NBEAL1: variants seen among roughly 807,000 people sequenced by gnomAD.
NBEAL1 encodes the protein neurobeachin like 1.
In NBEAL1, 273 loss-of-function variants were observed where a neutral mutation model predicts 351.3. The observed-to-expected ratio is 0.78, with a 90% CI of 0.70 to 0.86. NBEAL1 has a LOEUF of 0.86. Among genes scored for constraint, NBEAL1 ranks in the 40% least tolerant of loss-of-function variants. The probability of loss-of-function intolerance (pLI) is 0.00; values close to 1 mark genes in which losing one functional copy is unlikely to be tolerated. For synonymous variants in NBEAL1, 1,050 were observed against 1,086.4 expected (o/e 0.97, Z 0.66); for missense variants, 2,961 against 3,201.3 (o/e 0.92, Z 1.81).
chr2:203,103,579 C>T (rs187251300), intron 12 of NBEAL1, among the ~76,000 whole-genome samples: 9 of 152,098 alleles, frequency 5.9e-5, no homozygotes, highest in Non-Finnish European at 1.0e-4. Flanking sequence ...GCCTATCTTT[C>T]GTATGGTTTT....
At chr2:203,210,504 G>A (rs1406619193) in intron 53 of NBEAL1, among the ~76,000 whole-genome samples, 2 of 151,528 alleles carry the variant, frequency 1.3e-5, no homozygotes, top group Non-Finnish European at 2.9e-5. Context: ...TACTAAAAAT[G>A]CAAAAAAAGA....
rs1230529476 is a variant in NBEAL1, at chr2:203,220,081, T to C, written c.*2727T>C. Among the ~76,000 whole-genome samples the C allele has an allele frequency of 3.3e-5, 5 of 152,172 alleles. No homozygotes were observed. The highest frequency in any genetic ancestry group is 4.8e-5 in the African/African-American group (2 of 41,444). On this transcript the variant is annotated 3_prime_UTR_variant, in exon 56 of 56. Coordinates refer to ENST00000683969, the MANE Select transcript of NBEAL1 (RefSeq NM_001378026.1). ...TTCTGGTATATTTAGATGTTACCCA[T>C]AGAAATTAGTTATATATTATATAAT...
At chr2:203,059,134 T>G (rs2061455249) in intron 6 of NBEAL1, among the ~76,000 whole-genome samples, 1 of 152,182 alleles carries the variant, frequency 6.6e-6, no homozygotes, top group Admixed American at 6.5e-5. Context: ...ACCATACCAT[T>G]AGATGATGGT....
At chr2:203,043,734 A>G (rs1455092681) in intron 3 of NBEAL1, among the ~76,000 whole-genome samples, 1 of 151,936 alleles carries the variant, frequency 6.6e-6, no homozygotes, top group East Asian at 1.9e-4. Flanking sequence ...GTCTCAAAAA[A>G]AAAAAAAAAA....
chr2:203,110,991 CTT>C (rs1157537399), intron 15 of NBEAL1, among the ~76,000 whole-genome samples: 4 of 152,016 alleles, frequency 2.6e-5, no homozygotes, highest in Non-Finnish European at 4.4e-5. Flanking sequence ...GTCTTGATCT[CTT>C]GACCTTGTGA....
chr2:203,191,111 A>T (rs1170968915), intron 46 of NBEAL1: 1 of 1,597,684 alleles, frequency 6.3e-7, no homozygotes, highest in East Asian at 2.2e-5. Context: ...GAGATCGTCA[A>T]CATTGTTCGA....
At chr2:203,191,167 A>G (rs2065071531) in intron 46 of NBEAL1, 11 of 1,579,680 alleles carry the variant, frequency 7.0e-6, no homozygotes, top group Non-Finnish European at 9.5e-6. Context: ...TGGAACCATT[A>G]AAGAGATCCT....
At chr2:203,036,628 G>A (rs1406922451) in intron 2 of NBEAL1, among the ~76,000 whole-genome samples, 1 of 149,160 alleles carries the variant, frequency 6.7e-6, no homozygotes, top group Non-Finnish European at 1.5e-5. Context: ...AATGCCTGCT[G>A]TACTACTTAC....
intron 7 of NBEAL1, among the ~76,000 whole-genome samples, chr2:203,076,169 C>T (rs564887543): frequency 6.6e-6 from 1 of 152,046 alleles, no homozygotes; most frequent in East Asian, 1.9e-4. Flanking sequence ...ATGAATTAGG[C>T]AGGTGTATCT....
intron 36 of NBEAL1, 95 bp downstream of exon 36, chr2:203,157,920 A>G (rs2063839196): frequency 8.1e-6 from 8 of 991,766 alleles, no homozygotes; most frequent in Non-Finnish European, 1.1e-5. Flanking sequence ...ATGTATTTCC[A>G]GGGTCCAACA....
In NBEAL1 at chr2:203,199,522, A is replaced by G. The variant is rs575731843; in HGVS notation, c.7238+75A>G. On this transcript the variant is annotated intron_variant, in intron 49 of 55. Transcript: ENST00000683969. The stretch of plus-strand genomic sequence containing the variant: ...GCCAGGAAAAAAACTAGATTAATTG[A>G]TTCATTTATTCTGAAAGAAATATTT... The G allele has an allele frequency of 1.9e-3, 1,309 of 683,480 alleles. 7 individuals carry two copies. The highest frequency in any genetic ancestry group is 2.7e-3 in the Non-Finnish European group (1,092 of 400,146). The allele number at this position is 683,480 out of a possible 1,614,324, so 42.3% of individuals were successfully genotyped here. A position where few individuals can be genotyped will look rare whatever the true frequency, so the allele number is the denominator to read the frequency against.
In NBEAL1 at chr2:203,180,416, C is replaced by A. The variant is rs2064672743; in HGVS notation, c.6499C>A (p.Pro2167Thr). 1.2e-6 allele frequency: 2 copies of A among 1,612,134 alleles called. No individual in the cohort carries two copies. The highest frequency in any genetic ancestry group is 2.7e-5 in the African/African-American group (2 of 74,952). The change falls in exon 43 of 56, where the codon CCT becomes ACT. Residue 2167 changes from proline (P) to threonine (T), a missense_variant. By Grantham distance (38) the Pro-to-Thr change is conservative. Transcript: ENST00000683969. Reference sequence around the variant, plus strand: ...TGCAGATCGACAGTTCCATTCTATTCCTGCTACCTGGCAAGCTCTTATGGA... The same window carrying A: ...TGCAGATCGACAGTTCCATTCTATTACTGCTACCTGGCAAGCTCTTATGGA... ...DCADRQFHSIPATWQALMDNP... is the reference protein window; with the variant it reads ...DCADRQFHSITATWQALMDNP...
chr2:203,178,320 A>G (rs2064587270), intron 42 of NBEAL1, among the ~76,000 whole-genome samples: 1 of 151,934 alleles, frequency 6.6e-6, no homozygotes, highest in Non-Finnish European at 1.5e-5. Flanking sequence ...GTGCACCACC[A>G]CACTCAAGTA....
At chr2:203,016,549 A>G (rs1373964574) in intron 2 of NBEAL1, 114 bp downstream of exon 2, 1 of 598,842 alleles carries the variant, frequency 1.7e-6, no homozygotes, top group Non-Finnish European at 2.6e-6. Flanking sequence ...ATAATGAATA[A>G]CCCCAAACTT....
At chr2:203,169,329 G>A (rs1469742481) in intron 38 of NBEAL1, among the ~76,000 whole-genome samples, 2 of 147,180 alleles carry the variant, frequency 1.4e-5, no homozygotes, top group African/African-American at 5.0e-5. Flanking sequence ...TCTATTTGAG[G>A]TGATAAAAAA....
chr2:203,125,861 G>C, intron 20 of NBEAL1, 99 bp from the exon 21 acceptor site: 1 of 1,032,682 alleles, frequency 9.7e-7, no homozygotes, highest in Non-Finnish European at 1.3e-6. Flanking sequence ...TGCTGAACCA[G>C]ATTTCTACTT....
chr2:203,055,077 C>T (rs1369020838), intron 4 of NBEAL1, among the ~76,000 whole-genome samples: 6 of 152,138 alleles, frequency 3.9e-5, no homozygotes, highest in Admixed American at 3.9e-4. Context: ...TCTGTGTTTC[C>T]TTGTTCTGTA....
chr2:203,104,761 G>A (rs2062396814), intron 12 of NBEAL1, among the ~76,000 whole-genome samples: 1 of 151,964 alleles, frequency 6.6e-6, no homozygotes, highest in South Asian at 2.1e-4. Context: ...AATTCTTTTA[G>A]CATTTGCTTC....
chr2:203,050,324 G>A (rs1481546717), intron 4 of NBEAL1, among the ~76,000 whole-genome samples: 2 of 152,096 alleles, frequency 1.3e-5, no homozygotes, highest in Non-Finnish European at 2.9e-5. Context: ...TTTATTATTA[G>A]TGATGTTTGT....
Sources: gnomAD v4.1 joint callset for allele counts (sites outside exome capture counted in the v4.1 genomes callset) on GRCh38, gnomAD v4.1.1 for gene constraint, MANE v1.5 for transcripts, NCBI Gene and HGNC (gene_info 2026-07-23, HGNC 2026-07-21) for gene names.